Variants in WDR4 observed in about 807,000 individuals in gnomAD.
WDR4 encodes the protein tRNA (guanine-N(7)-)-methyltransferase non-catalytic subunit WDR4.
A neutral mutation model predicts 48.6 loss-of-function variants in WDR4; 47 were observed. The ratio of observed to expected loss-of-function variants is 0.97; its 90% CI spans 0.77 to 1.23. The LOEUF (loss-of-function observed/expected upper bound fraction) is 1.23, where lower values mean the gene tolerates loss of function less well. Ranked by LOEUF, WDR4 falls within the 50% of genes most tolerant of loss-of-function variation. WDR4 has a pLI of 0.00. For missense variants in WDR4, 606 were observed against 551.6 expected (o/e 1.10, Z -0.99); for synonymous variants, 268 against 230.0 (o/e 1.17, Z -1.49).
intron 6 of WDR4, among the ~76,000 whole-genome samples, chr21:42,858,833 A>G (rs372101872): frequency 5.9e-5 from 9 of 152,280 alleles, no homozygotes; most frequent in African/African-American, 1.7e-4. Flanking sequence ...CAGAGAAGAA[A>G]CATAGAAGCG....
intron 3 of WDR4, among the ~76,000 whole-genome samples, chr21:42,870,876 T>C (rs979488797): frequency 2.6e-5 from 4 of 152,290 alleles, no homozygotes; most frequent in Admixed American, 2.6e-4. Context: ...GAGAATCTCA[T>C]GTGAATTATG....
At chr21:42,848,055 T>C (rs1287182023), downstream of WDR4, among the ~76,000 whole-genome samples, 2 of 152,232 alleles carry the variant, frequency 1.3e-5, no homozygotes, top group African/African-American at 2.4e-5. Context: ...CAGACAGCAC[T>C]GTTTCCAGAT....
chr21:42,850,260 G>A lies in WDR4; in HGVS notation c.1046-18C>T, dbSNP rs773296163. 9.0e-5 allele frequency: 142 copies of A among 1,574,750 alleles called. No homozygotes were observed. Among genetic ancestry groups the A allele is most frequent in the Non-Finnish European group, 1.2e-4 (138 of 1,160,202 alleles). On this transcript the variant is annotated intron_variant, in intron 10 of 10. Coordinates refer to ENST00000398208, the MANE Select transcript of WDR4 (RefSeq NM_018669.6). ...GGCAGAGCCTGTGATGGGGGAACAA[G>A]GACAGGTGCCAGGTGGGGCAGGAAC... is the stretch of plus-strand genomic sequence containing the variant.
At chr21:42,866,210 AAG>A (rs1569328540) in intron 3 of WDR4, among the ~76,000 whole-genome samples, 1 of 152,150 alleles carries the variant, frequency 6.6e-6, no homozygotes, top group African/African-American at 2.4e-5. Context: ...CCCTCGGGCC[AAG>A]AGTCTCCTGA....
At chr21:42,872,884 C>G (rs2058404204) in intron 3 of WDR4, among the ~76,000 whole-genome samples, 2 of 152,184 alleles carry the variant, frequency 1.3e-5, no homozygotes, top group South Asian at 2.1e-4. Flanking sequence ...TTGCGATGAG[C>G]AAAGATCGCG....
At chr21:42,844,452 G>A (rs1164723816), downstream of WDR4, among the ~76,000 whole-genome samples, 8 of 152,224 alleles carry the variant, frequency 5.3e-5, no homozygotes, top group East Asian at 1.9e-4. Context: ...CAGGAACAGA[G>A]GGTTCCACTA....
In WDR4 at chr21:42,854,559, T is replaced by C. The variant is rs772891386; in HGVS notation, c.791+3A>G. 16 of 1,613,096 alleles carry C rather than the reference T, an allele frequency of 9.9e-6. 1 individual carries two copies. The East Asian group carries it at 1.8e-4, about 18-fold the overall frequency. On this transcript the variant is annotated splice_donor_region_variant and intron_variant, in intron 8 of 10. Coordinates refer to ENST00000398208, the MANE Select transcript of WDR4 (RefSeq NM_018669.6). ...AGGCCATAGAGGTGCCGCCGCAGCTTACCCGTCGCACAGGAGCGCCACGCA... is the reference window on the plus strand; with the variant it reads ...AGGCCATAGAGGTGCCGCCGCAGCTCACCCGTCGCACAGGAGCGCCACGCA...
chr21:42,865,972 C>G (rs542616699), intron 3 of WDR4, among the ~76,000 whole-genome samples: 1 of 152,226 alleles, frequency 6.6e-6, no homozygotes, highest in Admixed American at 6.5e-5. Context: ...AGGCACCATC[C>G]ACACCCACAC....
At chr21:42,888,771 G>C in the WDR4 span, among the ~76,000 whole-genome samples, 1 of 150,632 alleles carries the variant, frequency 6.6e-6, no homozygotes, top group Non-Finnish European at 1.5e-5. Flanking sequence ...AGTGATCTCA[G>C]CTCACTGCAA....
chr21:42,853,718 G>C lies in WDR4; in HGVS notation c.826C>G (p.Arg276Gly), dbSNP rs779192826. 1.9e-6 allele frequency: 3 copies of C among 1,565,464 alleles called. No homozygotes were observed. The highest frequency in any genetic ancestry group is 2.6e-6 in the Non-Finnish European group (3 of 1,154,878). ...TGCCTGTACACCAACTGCTGTCTGC[G>C]GGCGTCCAGCTGGAAGATGTAGACC... ...PVVYIFQLDA[R>G]RQQLVYRQQL... Residue 276 changes from arginine to glycine, a missense_variant, in exon 9 of 11, where the codon CGC becomes GGC. Physicochemically the swap from Arg to Gly is moderately radical, Grantham distance 125 (BLOSUM62 -2). Coordinates refer to ENST00000398208, the MANE Select transcript of WDR4 (RefSeq NM_018669.6).
At chr21:42,880,130 CA>C (rs796783962), upstream of WDR4, among the ~76,000 whole-genome samples, 5,838 of 136,264 alleles carry the variant, frequency 0.043, 322 homozygotes, top group African/African-American at 0.13. Context: ...GACTCTCTCT[CA>C]AAAAAAAAAA....
upstream of WDR4, among the ~76,000 whole-genome samples, chr21:42,884,464 T>C (rs1287057203): frequency 6.6e-6 from 1 of 151,962 alleles, no homozygotes; most frequent in Non-Finnish European, 1.5e-5. Context: ...CTGACCAACA[T>C]TGTGAAACCC....
intron 6 of WDR4, among the ~76,000 whole-genome samples, chr21:42,857,606 G>T (rs1216772671): frequency 6.6e-6 from 1 of 152,222 alleles, no homozygotes; most frequent in Non-Finnish European, 1.5e-5. Flanking sequence ...AGTGAGATAA[G>T]AGACACGTGC....
At chr21:42,890,442 A>C in the WDR4 span, among the ~76,000 whole-genome samples, 1 of 152,090 alleles carries the variant, frequency 6.6e-6, no homozygotes, top group African/African-American at 2.4e-5. Flanking sequence ...AGGTTGAATC[A>C]GAAGAATCTC....
upstream of WDR4, among the ~76,000 whole-genome samples, chr21:42,883,288 A>G (rs1004698513): frequency 6.7e-5 from 10 of 149,204 alleles, no homozygotes; most frequent in African/African-American, 1.5e-4. Flanking sequence ...AAAAAAAAAA[A>G]AAAGAAAAAT....
At chr21:42,860,515 G>A (rs555164065) in intron 5 of WDR4, among the ~76,000 whole-genome samples, 20 of 152,380 alleles carry the variant, frequency 1.3e-4, no homozygotes, top group Admixed American at 2.6e-4. Flanking sequence ...CCCTGGAATG[G>A]GGTGGCCCGT....
intron 9 of WDR4, among the ~76,000 whole-genome samples, 188 bp downstream of exon 9, chr21:42,853,381 G>C (rs908116816): frequency 6.6e-6 from 1 of 152,348 alleles, no homozygotes; most frequent in East Asian, 1.9e-4. Context: ...ACGCCGGCCT[G>C]GCACCCGGCT....
At chr21:42,874,611 C>T (rs986575965) in intron 2 of WDR4, among the ~76,000 whole-genome samples, 50 of 152,122 alleles carry the variant, frequency 3.3e-4, no homozygotes, top group Middle Eastern at 3.4e-3. Context: ...TGAGGGTGGG[C>T]CTCTGAAATG....
At chr21:42,851,848 C>G (rs928991793) in intron 10 of WDR4, among the ~76,000 whole-genome samples, 17 of 152,160 alleles carry the variant, frequency 1.1e-4, no homozygotes, top group Non-Finnish European at 2.1e-4. Context: ...CCCCACTAAA[C>G]CTCCCAGTGA....
Sources: gnomAD v4.1 joint callset for allele counts (sites outside exome capture counted in the v4.1 genomes callset) on GRCh38, gnomAD v4.1.1 for gene constraint, MANE v1.5 for transcripts, NCBI Gene and HGNC (gene_info 2026-07-23, HGNC 2026-07-21) for gene names.